The following TRAF1 variants were observed in gnomAD, a reference collection of about 807,000 sequenced individuals.
TRAF1 encodes TNF receptor associated factor 1.
Under a neutral mutation model 40.9 loss-of-function variants are expected in TRAF1, and 23 were observed. The ratio of observed to expected loss-of-function variants is 0.56; its 90% confidence interval spans 0.40 to 0.80. The LOEUF is 0.80. TRAF1 is among the 30% of genes least tolerant of loss of function. The pLI, the probability that TRAF1 is intolerant of heterozygous loss-of-function variation, is 0.00. For missense variants in TRAF1, 477 were observed against 528.7 expected, an observed-to-expected ratio of 0.90 and a Z score of 0.96; for synonymous variants, 206 against 218.8, an observed-to-expected ratio of 0.94 and a Z score of 0.52.
chr9:120,905,328 C>T lies in TRAF1; in HGVS notation c.1033-90G>A, dbSNP rs2046472527. On this transcript the variant is annotated intron_variant, in intron 7 of 7. Coordinates refer to ENST00000373887, the MANE Select transcript of TRAF1 (RefSeq NM_005658.5). The stretch of plus-strand genomic sequence containing the variant: ...TTGGGCTCAGAGCTGTGCTCCACAC[C>T]TACTGCCTGTGCAGCCCCTCAGACC... 20 of 1,333,974 alleles carry T rather than the reference C, an allele frequency of 1.5e-5. No individual in the cohort carries two copies. The South Asian group carries it at 2.6e-4, about 17-fold the overall frequency. The allele number at this position is 1,333,974 out of a possible 1,614,324, so 82.6% of individuals were successfully genotyped here.
rs1588154704 is a variant in TRAF1 at position 120,926,745 on chromosome 9, T to A, written c.-422A>T. 6.6e-6 allele frequency: 1 copy of A among 152,140 alleles called. No homozygotes were observed. Among genetic ancestry groups the A allele is most frequent in the Non-Finnish European group, 1.5e-5 (1 of 68,048 alleles). The allele number at this position is 152,140 out of a possible 1,614,324, so 9.4% of individuals were successfully genotyped here. On this transcript the variant is annotated 5_prime_UTR_variant, in exon 1 of 8. Coordinates refer to ENST00000373887, the MANE Select transcript of TRAF1 (RefSeq NM_005658.5). The stretch of plus-strand genomic sequence containing the variant: ...TGGGCTGTAAGATTCTGGGACCCTA[T>A]CTTGCCTGGGACTGAGGCAACCAGA...
rs746042147 is a variant in TRAF1, at chr9:120,926,608, G to A, written c.-285C>T. 3.9e-5 allele frequency: 6 copies of A among 152,364 alleles called. No homozygotes were observed. The highest frequency in any genetic ancestry group is 1.3e-4 in the Admixed American group (2 of 15,286). The allele number at this position is 152,364 out of a possible 1,614,324, so 9.4% of individuals were successfully genotyped here. On this transcript the variant is annotated 5_prime_UTR_variant, in exon 1 of 8. Transcript: ENST00000373887. ...AGGTCCAAAATTTCAAGTTCTAGGC[G>A]CTTTTGCTCTGCTCTGTTTGGAGTG...
chr9:120,928,725 T>C (rs1013018257), upstream of TRAF1: 1 of 152,154 alleles, frequency 6.6e-6, no homozygotes, highest in African/African-American at 2.4e-5. Flanking sequence ...GGCGCCCCGC[T>C]CTGTGATTCC....
chr9:120,923,138 G>A (rs1032583961), intron 3 of TRAF1, among the ~76,000 whole-genome samples: 1 of 152,164 alleles, frequency 6.6e-6, no homozygotes, highest in African/African-American at 2.4e-5. Flanking sequence ...TATGTAATTT[G>A]AATTCTAACA....
rs781398090 is a variant in TRAF1, at chr9:120,923,775, A to T, written c.158T>A (p.Ile53Asn). ...SENPRNGEDQ[I>N]CPKCRGEDLQ... Reference sequence around the variant, plus strand: ...GTCTTCCCCTCTGCATTTGGGGCAGATCTGATCCTCGCCATTCCTGGGGAA... The same window carrying T: ...GTCTTCCCCTCTGCATTTGGGGCAGTTCTGATCCTCGCCATTCCTGGGGAA... The change falls in exon 3 of 8, where the codon ATC becomes AAC. Residue 53 changes from isoleucine to asparagine, a missense_variant. Coordinates refer to ENST00000373887, the MANE Select transcript of TRAF1 (RefSeq NM_005658.5). 1 of 1,614,182 alleles carries T rather than the reference A, an allele frequency of 6.2e-7. No individual in the cohort carries two copies. The highest frequency in any genetic ancestry group is 8.5e-7 in the Non-Finnish European group (1 of 1,180,026).
chr9:120,909,212 T>C lies in TRAF1; in HGVS notation c.1032+18A>G. On this transcript the variant is annotated intron_variant, in intron 7 of 7. Coordinates refer to ENST00000373887, the MANE Select transcript of TRAF1 (RefSeq NM_005658.5). ...TTCCATGCTCCCCACCTTACCCCCA[T>C]CACCTTCACACCCATACCTTGTTCC... The C allele has an allele frequency of 1.2e-6, 2 of 1,611,758 alleles. No individual in the cohort carries two copies. The highest frequency in any genetic ancestry group is 1.1e-5 in the South Asian group (1 of 90,812).
intron 6 of TRAF1, among the ~76,000 whole-genome samples, chr9:120,910,580 G>A (rs1377513577): frequency 1.3e-5 from 2 of 152,084 alleles, no homozygotes; most frequent in African/African-American, 2.4e-5. Flanking sequence ...AAAATTTTGT[G>A]GAGATGGGAT....
chr9:120,921,551 C>T (rs2046605361), intron 3 of TRAF1, among the ~76,000 whole-genome samples: 1 of 152,102 alleles, frequency 6.6e-6, no homozygotes, highest in Non-Finnish European at 1.5e-5. Context: ...GCAAGTGAGG[C>T]ATAGTGGCTC....
At chr9:120,911,926 G>T (rs149389672) in intron 5 of TRAF1, among the ~76,000 whole-genome samples, 18 of 152,278 alleles carry the variant, frequency 1.2e-4, no homozygotes, top group African/African-American at 4.1e-4. Flanking sequence ...GAAGTTTGTG[G>T]GTGAAATGAA....
At chr9:120,925,866 C>T in intron 2 of TRAF1, 70 bp downstream of exon 2, 1 of 1,604,404 alleles carries the variant, frequency 6.2e-7, no homozygotes, top group South Asian at 1.1e-5. Context: ...TCCTCTGCCC[C>T]TCACCTCCCA....
rs1477477231 is a variant in TRAF1, at chr9:120,902,510, GT to G, written c.*2509del. 3.4e-5 allele frequency: 4 copies of G among 119,102 alleles called. 1 individual carries two copies. Among genetic ancestry groups the G allele is most frequent in the African/African-American group, 1.4e-4 (4 of 29,210 alleles). 7.4% of individuals were successfully genotyped at this position (119,102 alleles called of 1,614,324 possible). A position where few individuals can be genotyped will look rare whatever the true frequency, so the allele number is the denominator to read the frequency against. On this transcript the variant is annotated 3_prime_UTR_variant, in exon 8 of 8. Coordinates refer to ENST00000373887, the MANE Select transcript of TRAF1 (RefSeq NM_005658.5). The stretch of plus-strand genomic sequence containing the variant: ...AGGTGCTCTGTGGGCAGGGCGGGGG[GT>G]GGGGGGGGGGGCGGTGGGCACTGCT...
intron 7 of TRAF1, 92 bp downstream of exon 7, chr9:120,909,138 G>T (rs2046505382): frequency 6.7e-7 from 1 of 1,488,090 alleles, no homozygotes; most frequent in Non-Finnish European, 9.1e-7. Flanking sequence ...TGGGGGACTT[G>T]CCAGGTCACA....
chr9:120,927,371 AC>A (rs1197673525), upstream of TRAF1: 2 of 152,188 alleles, frequency 1.3e-5, no homozygotes, highest in African/African-American at 4.8e-5. Flanking sequence ...TCCACTGCTT[AC>A]TAACTGTGGG....
rs2046582372 is a variant in TRAF1, at chr9:120,918,308, AAT to A, written c.229-4010_229-4009del. 3.3e-5 allele frequency among the ~76,000 whole-genome samples: 5 copies of A among 151,976 alleles called. 1 individual carries two copies. In the South Asian group the frequency reaches 8.3e-4, roughly 25 times the overall value. The stretch of plus-strand genomic sequence containing the variant: ...ATTCTGCCTAACACAGTGTTCAATA[AAT>A]ATGAGCCATTATTACTAATAATAAA... On this transcript the variant is annotated intron_variant, in intron 3 of 7. Transcript: ENST00000373887.
intron 7 of TRAF1, 96 bp from the exon 8 acceptor site, chr9:120,905,334 C>A: frequency 7.9e-7 from 1 of 1,260,436 alleles, no homozygotes; most frequent in South Asian, 1.4e-5. Context: ...ACACCTACTG[C>A]CTGTGCAGCC....
intron 5 of TRAF1, among the ~76,000 whole-genome samples, chr9:120,911,855 T>A (rs950754855): frequency 6.6e-6 from 1 of 152,184 alleles, no homozygotes; most frequent in African/African-American, 2.4e-5. Context: ...GCTGGGCCCA[T>A]GCTCATTGTG....
At chr9:120,906,007 G>A (rs1222503728) in intron 7 of TRAF1, among the ~76,000 whole-genome samples, 2 of 151,318 alleles carry the variant, frequency 1.3e-5, no homozygotes, top group Non-Finnish European at 3.0e-5. Flanking sequence ...GCCGGGGGTA[G>A]GAGAACCTAC....
At chr9:120,915,837 T>TA (rs1243835288) in intron 3 of TRAF1, among the ~76,000 whole-genome samples, 4 of 151,774 alleles carry the variant, frequency 2.6e-5, no homozygotes, top group Non-Finnish European at 5.9e-5. Context: ...TTGTCTCTCT[T>TA]AAAAAAAATA....
intron 5 of TRAF1, among the ~76,000 whole-genome samples, chr9:120,912,651 G>C (rs2046536627): frequency 6.8e-6 from 1 of 148,034 alleles, no homozygotes; most frequent in African/African-American, 2.5e-5. Flanking sequence ...GCAATACTCT[G>C]TCTCAAAGGA....
Sources: allele counts gnomAD v4.1 joint callset (sites outside exome capture counted in the v4.1 genomes callset), GRCh38; gene constraint gnomAD v4.1.1; transcripts MANE v1.5; gene names NCBI Gene and HGNC (gene_info 2026-07-23, HGNC 2026-07-21).